Variants in ATP1A1 observed in about 807,000 individuals in gnomAD.
The protein encoded by ATP1A1 is ATPase Na+/K+ transporting subunit alpha 1.
A neutral mutation model predicts 114.8 loss-of-function variants in ATP1A1; 14 were observed. The observed-to-expected ratio is 0.12, with a 90% CI of 0.08 to 0.19. The LOEUF is 0.19. ATP1A1 is among the 10% of genes least tolerant of loss of function. The pLI, the probability that ATP1A1 is intolerant of heterozygous loss-of-function variation, is 1.00. For missense variants in ATP1A1, 524 were observed against 1,290.7 expected, an observed-to-expected ratio of 0.41 and a Z score of 9.10; for synonymous variants, 471 against 466.3, an observed-to-expected ratio of 1.01 and a Z score of -0.13.
Position 116,389,091 on chromosome 1 carries a change from G to A in ATP1A1, c.754+72G>A, listed in dbSNP as rs1390292516. On this transcript the variant is annotated intron_variant, in intron 7 of 22. Transcript: ENST00000295598. The surrounding 1 kb of genome is among the most constrained non-coding windows in gnomAD (Gnocchi z 6.9). ...GGCATTAACAAAATCAAAACCATAG[G>A]CACAATCTCTTGTTTTATTGGCTCC... The A allele has an allele frequency of 2.2e-6, 3 of 1,340,078 alleles. No individual in the cohort carries two copies. The East Asian group carries it at 6.9e-5, about 31-fold the overall frequency. 83.0% of individuals were successfully genotyped at this position (1,340,078 alleles called of 1,614,324 possible).
intron 13 of ATP1A1, 136 bp from the exon 14 acceptor site, chr1:116,396,462 G>A: frequency 4.3e-6 from 5 of 1,156,422 alleles, no homozygotes; most frequent in South Asian, 1.7e-5. Flanking sequence ...ATGTTTATTA[G>A]TTTTATATTT....
chr1:116,373,334 A>T lies in ATP1A1; in HGVS notation c.-178A>T, dbSNP rs1242705597. 4 of 534,480 alleles carry T rather than the reference A, an allele frequency of 7.5e-6. No individual in the cohort carries two copies. The highest frequency in any genetic ancestry group is 4.0e-5 in the African/African-American group (2 of 49,802). The allele number at this position is 534,480 out of a possible 1,614,324, so 33.1% of individuals were successfully genotyped here. On this transcript the variant is annotated 5_prime_UTR_variant, in exon 1 of 23. Coordinates refer to ENST00000295598, the MANE Select transcript of ATP1A1 (RefSeq NM_000701.8). ...TAGCAGCCCGGGCGGCGGCAGCAAC[A>T]GCGGCGGCGGCATCGGCCCGAGCCG...
rs1244273117 is a variant in ATP1A1, at chr1:116,395,213, C to T, written c.1764C>T (p.Leu588=). The T allele has an allele frequency of 1.2e-6, 2 of 1,614,174 alleles. No individual in the cohort carries two copies. Among genetic ancestry groups the T allele is most frequent in the East Asian group, 2.2e-5 (1 of 44,874 alleles). The part of the protein sequence containing the change: ...FPIDNLCFVG[L]ISMIDPPRAA... The stretch of plus-strand genomic sequence containing the variant: ...TCGATAATCTGTGCTTTGTTGGGCT[C>T]ATCTCCATGATTGACCCTCCACGGG... Residue 588 remains leucine (L), a synonymous_variant, in exon 13 of 23, where the codon CTC becomes CTT. Coordinates refer to ENST00000295598, the MANE Select transcript of ATP1A1 (RefSeq NM_000701.8). This position sits in a 1 kb window ranked among gnomAD's most constrained non-coding sequence, Gnocchi z 6.4.
rs1653829951 is a variant in ATP1A1 at position 116,404,666 on chromosome 1, A to G, written c.*222A>G. The G allele has an allele frequency of 6.9e-6, 9 of 1,299,574 alleles. No homozygotes were observed. The South Asian group carries it at 1.3e-4, about 19-fold the overall frequency. 80.5% of individuals were successfully genotyped at this position (1,299,574 alleles called of 1,614,324 possible). On this transcript the variant is annotated 3_prime_UTR_variant, in exon 23 of 23. Transcript: ENST00000295598. This position sits in a 1 kb window ranked among gnomAD's most constrained non-coding sequence, Gnocchi z 4.8. ...CCATCTGTGGAAATGACAGCGGGGA[A>G]GGTTTTTATGTGCCTTTTTGTTTTT...
intron 1 of ATP1A1, chr1:116,373,848 C>T: frequency 5.6e-6 from 7 of 1,249,220 alleles, no homozygotes; most frequent in African/African-American, 1.6e-5. Flanking sequence ...AGCCTCGGGG[C>T]CGGGAGGAGG....
intron 18 of ATP1A1, 128 bp from the exon 19 acceptor site, chr1:116,400,733 C>A: frequency 8.4e-7 from 1 of 1,192,802 alleles, no homozygotes; most frequent in Non-Finnish European, 1.2e-6. Flanking sequence ...CTTTCCTGTG[C>A]TTTTATCAAC....
chr1:116,391,189 C>G (rs944138940), intron 10 of ATP1A1, among the ~76,000 whole-genome samples: 1 of 152,168 alleles, frequency 6.6e-6, no homozygotes, highest in African/African-American at 2.4e-5. Context: ...AAACCTAATT[C>G]ATCTGCTTTT....
rs905279171 is a variant in ATP1A1 at position 116,401,108 on chromosome 1, T to C, written c.2719-22T>C. On this transcript the variant is annotated intron_variant, in intron 19 of 22. Transcript: ENST00000295598. The surrounding 1 kb of genome is among the most constrained non-coding windows in gnomAD (Gnocchi z 4.7). ...CATGCAGGTGAAGAGCCAGAGCTCA[T>C]CTTCTGTCTTCTGCATTTCAGACCT... 3.1e-6 allele frequency: 5 copies of C among 1,613,924 alleles called. No homozygotes were observed. The highest frequency in any genetic ancestry group is 4.2e-6 in the Non-Finnish European group (5 of 1,179,780).
rs954411613 is a variant in ATP1A1, at chr1:116,381,467, A to G, written c.13-2547A>G. On this transcript the variant is annotated intron_variant, in intron 1 of 22. Coordinates refer to ENST00000295598, the MANE Select transcript of ATP1A1 (RefSeq NM_000701.8). This position sits in a 1 kb window ranked among gnomAD's most constrained non-coding sequence, Gnocchi z 5.1. ...TAAGCTGCCTGGTTCTTCTAGACAC[A>G]CATTGCCTAGTGAAAAAATTAAAAT... Among the ~76,000 whole-genome samples, 18 of 152,256 alleles carry G rather than the reference A, an allele frequency of 1.2e-4. No individual in the cohort carries two copies. Among genetic ancestry groups the G allele is most frequent in the African/African-American group, 4.1e-4 (17 of 41,472 alleles).
chr1:116,379,116 C>T (rs1009747023), intron 1 of ATP1A1, among the ~76,000 whole-genome samples: 2 of 152,266 alleles, frequency 1.3e-5, no homozygotes, highest in African/African-American at 2.4e-5. Flanking sequence ...CTGTCAGGCT[C>T]ATTAAGAATT....
At position 116,404,396 on chromosome 1, in the gene ATP1A1, T is replaced by C. The variant is rs776658571; in HGVS notation, c.3044-20T>C. On this transcript the variant is annotated intron_variant, in intron 22 of 22. Coordinates refer to ENST00000295598, the MANE Select transcript of ATP1A1 (RefSeq NM_000701.8). This position sits in a 1 kb window ranked among gnomAD's most constrained non-coding sequence, Gnocchi z 4.8. ...AAGACTCACTGTAGTGTGTCTTGTC[T>C]GTCTCTTTGCCACCCACAGGCTGGG... 1.9e-6 allele frequency: 3 copies of C among 1,613,932 alleles called. No homozygotes were observed. In the South Asian group the frequency reaches 3.3e-5, roughly 18 times the overall value.
In ATP1A1 at chr1:116,381,099, G is replaced by T. The variant is rs564693745; in HGVS notation, c.13-2915G>T. 3.3e-5 allele frequency among the ~76,000 whole-genome samples: 5 copies of T among 152,280 alleles called. 1 individual carries two copies. Among genetic ancestry groups the T allele is most frequent in the African/African-American group, 7.2e-5 (3 of 41,550 alleles). On this transcript the variant is annotated intron_variant, in intron 1 of 22. Transcript: ENST00000295598. This position sits in a 1 kb window ranked among gnomAD's most constrained non-coding sequence, Gnocchi z 5.1. ...TTAATCACTCCCAGTCCTCTGGGAG[G>T]GGGGAAGTGACCTGAACTTTCTAAT...
intron 1 of ATP1A1, among the ~76,000 whole-genome samples, chr1:116,377,063 TTAAGAA>T (rs1199926242): frequency 6.6e-6 from 1 of 152,238 alleles, no homozygotes; most frequent in African/African-American, 2.4e-5. Context: ...ATATCTAAAC[TTAAGAA>T]TAAGAAAGGC....
At position 116,384,106 on chromosome 1, in the gene ATP1A1, G is replaced by A. The variant is rs1164247399; in HGVS notation, c.105G>A (p.Leu35=). The A allele has an allele frequency of 1.9e-6, 3 of 1,613,748 alleles. No individual in the cohort carries two copies. The highest frequency in any genetic ancestry group is 2.2e-5 in the South Asian group (2 of 91,062). The change falls in exon 2 of 23, where the codon CTG becomes CTA. Residue 35 remains leucine, a synonymous_variant. Coordinates refer to ENST00000295598, the MANE Select transcript of ATP1A1 (RefSeq NM_000701.8). The surrounding 1 kb of genome is among the most constrained non-coding windows in gnomAD (Gnocchi z 5.1). The part of the protein sequence containing the change: ...KGKKDRDMDE[L]KKEVSMDDHK... ...AAAAAGACAGGGACATGGATGAACT[G>A]AAGAAAGAAGTTTCTATGGTAAGTA...
intron 3 of ATP1A1, among the ~76,000 whole-genome samples, chr1:116,386,620 T>C (rs1652114746): frequency 6.6e-6 from 1 of 152,186 alleles, no homozygotes; most frequent in African/African-American, 2.4e-5. Context: ...AGAGCTTATA[T>C]GTAATTGCCT....
Position 116,403,957 on chromosome 1 carries a change from A to C in ATP1A1, c.3025A>C (p.Ile1009Leu), listed in dbSNP as rs1211929333. 1 of 1,614,186 alleles carries C rather than the reference A, an allele frequency of 6.2e-7. No individual in the cohort carries two copies. The highest frequency in any genetic ancestry group is 2.2e-5 in the East Asian group (1 of 44,878). Reference sequence around the variant, plus strand: ...ATATGACGAAGTCAGAAAACTCATCATCAGGCGACGCCCTGGCGGTAATTA... The same window carrying C: ...ATATGACGAAGTCAGAAAACTCATCCTCAGGCGACGCCCTGGCGGTAATTA... ...FVYDEVRKLI[I>L]RRRPGGWVEK... Residue 1009 changes from isoleucine to leucine, a missense_variant, in exon 22 of 23, where the codon ATC becomes CTC. Coordinates refer to ENST00000295598, the MANE Select transcript of ATP1A1 (RefSeq NM_000701.8).
rs1367108438 is a variant in ATP1A1 at position 116,387,575 on chromosome 1, CACTCATTACTTAATGGTTATGA to C, written c.387+109_387+130del. The C allele has an allele frequency of 2.2e-5, 32 of 1,423,170 alleles. No individual in the cohort carries two copies. Among genetic ancestry groups the C allele is most frequent in the Admixed American group, 3.6e-5 (2 of 55,240 alleles). The allele number at this position is 1,423,170 out of a possible 1,614,324, so 88.2% of individuals were successfully genotyped here. On this transcript the variant is annotated intron_variant, in intron 4 of 22. Coordinates refer to ENST00000295598, the MANE Select transcript of ATP1A1 (RefSeq NM_000701.8). The surrounding 1 kb of genome is among the most constrained non-coding windows in gnomAD (Gnocchi z 6.7). ...TTGTCTCCCACTTCTTCTCAATTAC[CACTCATTACTTAATGGTTATGA>C]ACTCATTACTTAATGGTTATGAACA... is the stretch of plus-strand genomic sequence containing the variant.
At chr1:116,394,621 A>T (rs752808817) in intron 12 of ATP1A1, among the ~76,000 whole-genome samples, 2 of 152,060 alleles carry the variant, frequency 1.3e-5, no homozygotes, top group Non-Finnish European at 2.9e-5. Context: ...AATGCATCTG[A>T]TCTGTACTTA....
intron 9 of ATP1A1, 27 bp from the exon 10 acceptor site, chr1:116,390,755 T>A: frequency 1.9e-6 from 3 of 1,575,774 alleles, no homozygotes; most frequent in Non-Finnish European, 2.6e-6. Flanking sequence ...GCATTGTTGT[T>A]CTGTTGTGTT....
Sources: gnomAD v4.1 joint callset for allele counts (sites outside exome capture counted in the v4.1 genomes callset) on GRCh38, gnomAD v4.1.1 for gene constraint, Gnocchi (gnomAD v3.1) non-coding constraint, MANE v1.5 for transcripts, NCBI Gene and HGNC (gene_info 2026-07-23, HGNC 2026-07-21) for gene names.